CNTNAP2: variants seen among roughly 807,000 people sequenced by gnomAD.
CNTNAP2 encodes the protein contactin-associated protein-like 2.
In CNTNAP2, 98 loss-of-function variants were observed where a neutral mutation model predicts 155.2. The observed-to-expected ratio is 0.63, with a 90% CI of 0.54 to 0.75. The LOEUF (loss-of-function observed/expected upper bound fraction) is 0.75, where lower values mean the gene tolerates loss of function less well. Among genes scored for constraint, CNTNAP2 ranks in the 30% least tolerant of loss-of-function variants. CNTNAP2 has a pLI of 0.00. For synonymous variants in CNTNAP2, 651 were observed against 631.2 expected (o/e 1.03, Z -0.47); for missense variants, 1,727 against 1,688.1 (o/e 1.02, Z -0.40).
chr7:147,915,918 G>T (rs1177232936), intron 14 of CNTNAP2, among the ~76,000 whole-genome samples: 1 of 152,204 alleles, frequency 6.6e-6, no homozygotes. Context: ...TTACTTGGCA[G>T]ATTTGAGCTA....
At chr7:147,712,063 T>G (rs1796408285) in intron 13 of CNTNAP2, among the ~76,000 whole-genome samples, 1 of 152,138 alleles carries the variant, frequency 6.6e-6, no homozygotes, top group Non-Finnish European at 1.5e-5. Flanking sequence ...ATCCTTCAGG[T>G]AGGTAAGACT....
chr7:146,234,641 A>G (rs921243552), intron 1 of CNTNAP2, among the ~76,000 whole-genome samples: 9 of 151,852 alleles, frequency 5.9e-5, no homozygotes, highest in Non-Finnish European at 1.0e-4. Context: ...ATTTTTGTAT[A>G]AGGTGTAAGG....
At chr7:146,253,972 G>A (rs1231536341) in intron 1 of CNTNAP2, among the ~76,000 whole-genome samples, 1 of 152,138 alleles carries the variant, frequency 6.6e-6, no homozygotes, top group Non-Finnish European at 1.5e-5. Context: ...TGACATGGGA[G>A]GATTTCTTGA....
chr7:147,748,615 T>C (rs1439693827), intron 13 of CNTNAP2, among the ~76,000 whole-genome samples: 1 of 152,184 alleles, frequency 6.6e-6, no homozygotes. Flanking sequence ...GCACCTCAGG[T>C]CTACCTGTCT....
intron 3 of CNTNAP2, among the ~76,000 whole-genome samples, chr7:146,884,605 G>A (rs1027423128): frequency 2.0e-5 from 3 of 152,044 alleles, no homozygotes; most frequent in Non-Finnish European, 4.4e-5. Flanking sequence ...CCATACATAT[G>A]GGATTTACAT....
At position 148,401,691 on chromosome 7, in the gene CNTNAP2, C is replaced by T. The variant is rs532997285; in HGVS notation, c.3716-7700C>T. On this transcript the variant is annotated intron_variant, in intron 22 of 23. Coordinates refer to ENST00000361727, the MANE Select transcript of CNTNAP2 (RefSeq NM_014141.6). ...TCGGCTCACTGCAATCTCCGCTTCCCGGGTTCATGCTATTCTCCTGCCTCA... is the reference window on the plus strand; with the variant it reads ...TCGGCTCACTGCAATCTCCGCTTCCTGGGTTCATGCTATTCTCCTGCCTCA... Among the ~76,000 whole-genome samples the T allele has an allele frequency of 2.5e-4, 38 of 152,160 alleles. 2 individuals are homozygous for T. In the South Asian group the frequency reaches 5.2e-3, roughly 21 times the overall value.
At chr7:146,809,116 AT>A (rs1803019694) in intron 2 of CNTNAP2, among the ~76,000 whole-genome samples, 1 of 152,146 alleles carries the variant, frequency 6.6e-6, no homozygotes, top group African/African-American at 2.4e-5. Flanking sequence ...CAGTAGTTCT[AT>A]TTTTAATTTT....
intron 1 of CNTNAP2, among the ~76,000 whole-genome samples, chr7:146,224,136 A>G (rs1236244899): frequency 6.6e-6 from 1 of 152,198 alleles, no homozygotes; most frequent in Non-Finnish European, 1.5e-5. Context: ...CCAGTTAGGA[A>G]ATGCAGCAGA....
At chr7:146,761,719 C>T (rs754940694) in intron 1 of CNTNAP2, among the ~76,000 whole-genome samples, 3 of 151,930 alleles carry the variant, frequency 2.0e-5, no homozygotes, top group Non-Finnish European at 4.4e-5. Flanking sequence ...ACTTACCTTG[C>T]CTCCTCCCTT....
chr7:146,439,827 C>G (rs934189569), intron 1 of CNTNAP2, among the ~76,000 whole-genome samples: 4 of 151,534 alleles, frequency 2.6e-5, no homozygotes, highest in African/African-American at 9.8e-5. Context: ...ATCCCACTTT[C>G]AAATAATCTC....
chr7:147,516,014 C>T (rs1045878956), intron 11 of CNTNAP2, among the ~76,000 whole-genome samples: 1 of 152,054 alleles, frequency 6.6e-6, no homozygotes, highest in African/African-American at 2.4e-5. Context: ...AAATGAATAG[C>T]CCCAAACCAT....
intron 3 of CNTNAP2, among the ~76,000 whole-genome samples, chr7:146,976,755 C>T (rs1053720639): frequency 2.6e-5 from 4 of 152,090 alleles, no homozygotes; most frequent in African/African-American, 9.7e-5. Context: ...AATGTCATTA[C>T]ACAAGAAGGG....
chr7:147,071,331 A>T lies in CNTNAP2; in HGVS notation c.550+27277A>T, dbSNP rs530427923. Reference sequence around the variant, plus strand: ...TATAAAGCAGATTATCCTGCAAAAAAAAAAAAAAGATGTATACATTCCTCC... The same window carrying T: ...TATAAAGCAGATTATCCTGCAAAAATAAAAAAAAGATGTATACATTCCTCC... On this transcript the variant is annotated intron_variant, in intron 4 of 23. Transcript: ENST00000361727. Among the ~76,000 whole-genome samples the T allele has an allele frequency of 1.8e-3, 267 of 152,152 alleles. 1 individual carries two copies. Among genetic ancestry groups the T allele is most frequent in the Non-Finnish European group, 2.9e-3 (199 of 68,004 alleles).
chr7:146,132,987 C>G (rs1797739625), intron 1 of CNTNAP2, among the ~76,000 whole-genome samples: 1 of 147,974 alleles, frequency 6.8e-6, no homozygotes, highest in Admixed American at 6.7e-5. Context: ...GGAATCGCCA[C>G]ACTGACTTCC....
intron 1 of CNTNAP2, among the ~76,000 whole-genome samples, chr7:146,764,390 C>T (rs1802159123): frequency 2.0e-5 from 3 of 151,990 alleles, no homozygotes; most frequent in Admixed American, 6.6e-5. Flanking sequence ...CCTTTTGTTG[C>T]ATGAAGTTAT....
intron 13 of CNTNAP2, among the ~76,000 whole-genome samples, chr7:147,734,854 G>A (rs1301212597): frequency 6.6e-6 from 1 of 152,164 alleles, no homozygotes; most frequent in African/African-American, 2.4e-5. Context: ...TGTGGGATCA[G>A]TGGTGATATC....
chr7:147,818,453 C>T (rs1445463256), intron 13 of CNTNAP2, among the ~76,000 whole-genome samples: 1 of 152,088 alleles, frequency 6.6e-6, no homozygotes, highest in Non-Finnish European at 1.5e-5. Flanking sequence ...AGAAGTGCAG[C>T]CATCAGTCTT....
At chr7:147,427,257 T>C (rs1016341783) in intron 10 of CNTNAP2, among the ~76,000 whole-genome samples, 3 of 152,162 alleles carry the variant, frequency 2.0e-5, no homozygotes, top group Non-Finnish European at 2.9e-5. Flanking sequence ...AAAGTCACAC[T>C]TCTTAATACA....
chr7:146,835,134 A>G (rs1436518158), intron 2 of CNTNAP2, among the ~76,000 whole-genome samples: 1 of 152,180 alleles, frequency 6.6e-6, no homozygotes, highest in Non-Finnish European at 1.5e-5. Context: ...AATAAATTCT[A>G]TTTTGCTAAA....
Sources: allele counts gnomAD v4.1 joint callset (sites outside exome capture counted in the v4.1 genomes callset), GRCh38; gene constraint gnomAD v4.1.1; transcripts MANE v1.5; gene names NCBI Gene and HGNC (gene_info 2026-07-23, HGNC 2026-07-21).